Variants in TCF7L1 observed in about 807,000 individuals in gnomAD.
TCF7L1 encodes the protein transcription factor 7 like 1, also known as transcription factor 7-like 1.
TCF7L1 carries 18 observed loss-of-function variants against 63.7 expected under a neutral mutation model. The ratio of observed to expected loss-of-function variants is 0.28; its 90% CI spans 0.20 to 0.42. The LOEUF (loss-of-function observed/expected upper bound fraction) is 0.42. TCF7L1 is among the 10% of genes least tolerant of loss of function. The pLI is 1.00. For missense variants in TCF7L1, 654 were observed against 779.3 expected, an observed-to-expected ratio of 0.84 and a Z score of 1.91; for synonymous variants, 355 against 340.9, an observed-to-expected ratio of 1.04 and a Z score of -0.46.
intron 3 of TCF7L1, among the ~76,000 whole-genome samples, chr2:85,146,587 C>A (rs543785025): frequency 4.3e-4 from 64 of 150,152 alleles, no homozygotes; most frequent in Admixed American, 4.1e-3. Context: ...CTGCAACCTC[C>A]GTCTCCTGGG....
intron 4 of TCF7L1, among the ~76,000 whole-genome samples, chr2:85,287,162 C>T (rs368352352): frequency 6.6e-6 from 1 of 152,146 alleles, no homozygotes; most frequent in Non-Finnish European, 1.5e-5. Context: ...CAGTCACCAT[C>T]GAATAACTAA....
At chr2:85,140,585 G>A (rs893475131) in intron 3 of TCF7L1, among the ~76,000 whole-genome samples, 2 of 150,016 alleles carry the variant, frequency 1.3e-5, no homozygotes, top group African/African-American at 4.9e-5. Context: ...GATCACCTGA[G>A]GTCAGGAGTT....
intron 3 of TCF7L1, among the ~76,000 whole-genome samples, chr2:85,275,937 A>AAAT (rs397826005): frequency 1.2e-4 from 18 of 151,556 alleles, no homozygotes; most frequent in Non-Finnish European, 2.1e-4. Context: ...AAAAAAAAAA[A>AAAT]TACCTCAAGA....
At chr2:85,164,522 A>G (rs1574086017) in intron 3 of TCF7L1, among the ~76,000 whole-genome samples, 1 of 152,128 alleles carries the variant, frequency 6.6e-6, no homozygotes, top group African/African-American at 2.4e-5. Flanking sequence ...TATGGAGAGG[A>G]GGAGGCGTTC....
At chr2:85,160,797 A>G (rs1446774305) in intron 3 of TCF7L1, among the ~76,000 whole-genome samples, 4 of 152,170 alleles carry the variant, frequency 2.6e-5, no homozygotes, top group Non-Finnish European at 5.9e-5. Context: ...GGTTGCAGTG[A>G]GCCTAGATGC....
At chr2:85,209,105 G>C (rs921486850) in intron 3 of TCF7L1, among the ~76,000 whole-genome samples, 1 of 152,164 alleles carries the variant, frequency 6.6e-6, no homozygotes, top group Non-Finnish European at 1.5e-5. Context: ...ATCCAGTTCA[G>C]GTAGCAGGCA....
rs897716524 is a variant in TCF7L1, at chr2:85,304,010, C to T, written c.761+13C>T. On this transcript the variant is annotated intron_variant, in intron 6 of 11. Coordinates refer to ENST00000282111, the MANE Select transcript of TCF7L1 (RefSeq NM_031283.3). ...GGCTCGTCCCACAGTAAGGAACCCA[C>T]AGCCTCTCTTCCCCCTGCTCCCTCC... The T allele has an allele frequency of 6.3e-7, 1 of 1,585,044 alleles. No individual in the cohort carries two copies. The highest frequency in any genetic ancestry group is 2.3e-5 in the East Asian group (1 of 44,380).
At chr2:85,227,534 TG>T (rs1679986009) in intron 3 of TCF7L1, among the ~76,000 whole-genome samples, 2 of 151,462 alleles carry the variant, frequency 1.3e-5, no homozygotes, top group South Asian at 4.2e-4. Context: ...AAAGGGTGGG[TG>T]GGGGGACAAG....
chr2:85,166,646 C>T (rs1262286252), intron 3 of TCF7L1, among the ~76,000 whole-genome samples: 1 of 152,152 alleles, frequency 6.6e-6, no homozygotes, highest in Non-Finnish European at 1.5e-5. Context: ...GCATGGCTTC[C>T]TACAGCCTAT....
rs1246097588 is a variant in TCF7L1, at chr2:85,304,114, C to T, written c.761+117C>T. 4 of 1,179,866 alleles carry T rather than the reference C, an allele frequency of 3.4e-6. No individual in the cohort carries two copies. The Admixed American group carries it at 5.8e-5, about 17-fold the overall frequency. 73.1% of individuals were successfully genotyped at this position (1,179,866 alleles called of 1,614,324 possible). ...CAGAGGCAAGCCCAGGACTAGGCCT[C>T]CCTGCCCCCGCCCAGGCAGCGTGCT... On this transcript the variant is annotated intron_variant, in intron 6 of 11. Coordinates refer to ENST00000282111, the MANE Select transcript of TCF7L1 (RefSeq NM_031283.3).
chr2:85,284,775 C>A (rs1239256930), intron 4 of TCF7L1, among the ~76,000 whole-genome samples: 1 of 152,134 alleles, frequency 6.6e-6, no homozygotes, highest in African/African-American at 2.4e-5. Context: ...CGTTGGGCTT[C>A]TATGATGTTT....
rs1291514842 is a variant in TCF7L1, at chr2:85,133,702, C to T, written c.18C>T (p.Gly6=). MPQLG[G]GGGGGGGGSG... The stretch of plus-strand genomic sequence containing the variant: ...GCCCCACCATGCCCCAGCTCGGCGG[C>T]GGGGGCGGCGGCGGCGGCGGCGGCA... Residue 6 remains glycine (G), a synonymous_variant, in exon 1 of 12, where the codon GGC becomes GGT. Coordinates refer to ENST00000282111, the MANE Select transcript of TCF7L1 (RefSeq NM_031283.3). The surrounding 1 kb of genome is among the most constrained non-coding windows in gnomAD (Gnocchi z 4.4). The T allele has an allele frequency of 4.9e-5, 50 of 1,024,544 alleles. No homozygotes were observed. Among genetic ancestry groups the T allele is most frequent in the Admixed American group, 1.9e-4 (3 of 16,156 alleles). 63.5% of individuals were successfully genotyped at this position (1,024,544 alleles called of 1,614,324 possible).
chr2:85,211,706 G>T (rs1272838263), intron 3 of TCF7L1, among the ~76,000 whole-genome samples: 1 of 152,220 alleles, frequency 6.6e-6, no homozygotes, highest in Non-Finnish European at 1.5e-5. Context: ...TTTAGAGCAG[G>T]CATGACCTAT....
chr2:85,219,181 G>A (rs1040588863), intron 3 of TCF7L1, among the ~76,000 whole-genome samples: 1 of 152,162 alleles, frequency 6.6e-6, no homozygotes, highest in Non-Finnish European at 1.5e-5. Context: ...CCCAGAAAAT[G>A]CTGTTGTATG....
chr2:85,279,218 T>A (rs748023412), intron 3 of TCF7L1, among the ~76,000 whole-genome samples: 2 of 152,204 alleles, frequency 1.3e-5, no homozygotes, highest in Non-Finnish European at 2.9e-5. Flanking sequence ...CTCCCACCCA[T>A]GAGTGATTGC....
chr2:85,176,509 C>A (rs564960230), intron 3 of TCF7L1, among the ~76,000 whole-genome samples: 2 of 152,150 alleles, frequency 1.3e-5, no homozygotes, highest in Non-Finnish European at 2.9e-5. Flanking sequence ...ATGGCAAGTT[C>A]GCATCCTCTT....
rs753871545 is a variant in TCF7L1, at chr2:85,306,572, T to C, written c.1257+13T>C. On this transcript the variant is annotated intron_variant, in intron 10 of 11. Coordinates refer to ENST00000282111, the MANE Select transcript of TCF7L1 (RefSeq NM_031283.3). This position sits in a 1 kb window ranked among gnomAD's most constrained non-coding sequence, Gnocchi z 4.3. ...CCGGGACAACTATGTAAGTGCACAC[T>C]CTGGGCAGAGGACGCTCAGACCCCA... 6.2e-7 allele frequency: 1 copy of C among 1,612,754 alleles called. No individual in the cohort carries two copies. Among genetic ancestry groups the C allele is most frequent in the Non-Finnish European group, 8.5e-7 (1 of 1,178,834 alleles).
intron 3 of TCF7L1, among the ~76,000 whole-genome samples, chr2:85,141,184 A>G (rs1677728228): frequency 6.6e-6 from 1 of 152,032 alleles, no homozygotes; most frequent in Admixed American, 6.6e-5. Flanking sequence ...ACAGTGAACT[A>G]TGATTGTGCC....
At chr2:85,256,581 G>T (rs72840024) in intron 3 of TCF7L1, among the ~76,000 whole-genome samples, 38,414 of 152,122 alleles carry the variant, frequency 0.25, 5,985 homozygotes, top group Non-Finnish European at 0.35. Context: ...GGGAGGGGTC[G>T]GCTCACAGCT....
Sources: gnomAD v4.1 joint callset for allele counts (sites outside exome capture counted in the v4.1 genomes callset) on GRCh38, gnomAD v4.1.1 for gene constraint, Gnocchi (gnomAD v3.1) non-coding constraint, MANE v1.5 for transcripts, NCBI Gene and HGNC (gene_info 2026-07-23, HGNC 2026-07-21) for gene names.